ATP8B4: variants seen among roughly 807,000 people sequenced by gnomAD.
ATP8B4 encodes probable phospholipid-transporting ATPase IM.
In ATP8B4, 133 loss-of-function variants were observed where a neutral mutation model predicts 145.6. The observed-to-expected ratio is 0.91, with a 90% CI of 0.79 to 1.05. The LOEUF (loss-of-function observed/expected upper bound fraction) is 1.05, where lower values mean the gene tolerates loss of function less well. ATP8B4 is among the 50% of genes least tolerant of loss of function. The pLI is 0.00. For missense variants in ATP8B4, 1,458 were observed against 1,425.2 expected (o/e 1.02, Z -0.37); for synonymous variants, 507 against 492.9 (o/e 1.03, Z -0.38).
intron 21 of ATP8B4, among the ~76,000 whole-genome samples, chr15:49,900,420 C>G (rs567700881): frequency 6.6e-6 from 1 of 152,306 alleles, no homozygotes; most frequent in East Asian, 1.9e-4. Context: ...GAGATTAATT[C>G]CTTGTGCATA....
chr15:49,861,422 G>GTC lies in ATP8B4; in HGVS notation c.3297+822_3297+823insGA, dbSNP rs1555390913. ...AAAAAATGTGTGTGTGTGTGTGTGT[G>GTC]TGTCTGTCTGTCTGTCTGTCTGTCT... On this transcript the variant is annotated intron_variant, in intron 27 of 27. Transcript: ENST00000284509. Among the ~76,000 whole-genome samples the GTC allele has an allele frequency of 4.7e-3, 699 of 148,276 alleles. 6 individuals are homozygous for GTC. Among genetic ancestry groups the GTC allele is most frequent in the African/African-American group, 0.015 (595 of 39,694 alleles).
intron 3 of ATP8B4, among the ~76,000 whole-genome samples, chr15:50,056,015 C>T (rs2052568856): frequency 6.6e-6 from 1 of 152,124 alleles, no homozygotes; most frequent in Non-Finnish European, 1.5e-5. Context: ...CGACAGTGCT[C>T]TTCTACGAAC....
At chr15:49,884,855 T>C (rs1238916644) in intron 23 of ATP8B4, among the ~76,000 whole-genome samples, 1 of 152,108 alleles carries the variant, frequency 6.6e-6, no homozygotes, top group Non-Finnish European at 1.5e-5. Flanking sequence ...CATAGGAGCA[T>C]GAACCCTGTT....
At chr15:50,151,026 G>C (rs1056130153) in intron 1 of ATP8B4, among the ~76,000 whole-genome samples, 1 of 152,150 alleles carries the variant, frequency 6.6e-6, no homozygotes, top group Non-Finnish European at 1.5e-5. Flanking sequence ...TCTGTCTGTG[G>C]CATCAGGTGG....
At chr15:50,085,919 GAT>G (rs2054921951) in intron 2 of ATP8B4, among the ~76,000 whole-genome samples, 2 of 101,788 alleles carry the variant, frequency 2.0e-5, no homozygotes, top group Non-Finnish European at 3.5e-5. Context: ...ATTTATATAT[GAT>G]ATATATCATA....
chr15:50,047,112 A>G (rs555957239), intron 4 of ATP8B4, among the ~76,000 whole-genome samples: 16 of 152,322 alleles, frequency 1.1e-4, no homozygotes, highest in African/African-American at 3.4e-4. Context: ...TGGTTCAAAT[A>G]AAGTGCAAGG....
chr15:49,886,669 C>A (rs975041145), intron 23 of ATP8B4, among the ~76,000 whole-genome samples: 4 of 152,196 alleles, frequency 2.6e-5, no homozygotes, highest in African/African-American at 9.7e-5. Context: ...TCACTGTTCA[C>A]TCTAATTCTG....
intron 3 of ATP8B4, among the ~76,000 whole-genome samples, chr15:50,054,075 T>C (rs1189315972): frequency 3.9e-5 from 6 of 152,342 alleles, no homozygotes; most frequent in Non-Finnish European, 7.3e-5. Flanking sequence ...AGGATTTTTG[T>C]GAGTGATCCC....
intron 20 of ATP8B4, among the ~76,000 whole-genome samples, chr15:49,908,386 T>G (rs2038855587): frequency 6.6e-6 from 1 of 152,070 alleles, no homozygotes; most frequent in Non-Finnish European, 1.5e-5. Context: ...AAGAGAGAAG[T>G]GACAGGAAAC....
chr15:49,967,905 A>C lies in ATP8B4; in HGVS notation c.1243+4677T>G, dbSNP rs1256051231. Among the ~76,000 whole-genome samples, 4 of 152,250 alleles carry C rather than the reference A, an allele frequency of 2.6e-5. No individual in the cohort carries two copies. In the East Asian group the frequency reaches 7.7e-4, roughly 29 times the overall value. On this transcript the variant is annotated intron_variant, in intron 13 of 27. Coordinates refer to ENST00000284509, the MANE Select transcript of ATP8B4 (RefSeq NM_024837.4). ...TCAGGTTACCCACAAAGGGAAGCCC[A>C]TCAGACTAACAGTGGATCTCTCTGC...
chr15:50,163,139 A>G (rs2044545942), intron 1 of ATP8B4, among the ~76,000 whole-genome samples: 1 of 152,110 alleles, frequency 6.6e-6, no homozygotes, highest in African/African-American at 2.4e-5. Flanking sequence ...TATTAAGTTC[A>G]TTTGATGTGG....
chr15:50,033,217 G>C (rs915245022), intron 6 of ATP8B4, among the ~76,000 whole-genome samples: 1 of 152,174 alleles, frequency 6.6e-6, no homozygotes, highest in African/African-American at 2.4e-5. Context: ...GAGAGCTTCA[G>C]AGATTTAAGC....
chr15:50,169,116 C>T (rs903838244), intron 1 of ATP8B4, among the ~76,000 whole-genome samples: 3 of 152,306 alleles, frequency 2.0e-5, no homozygotes, highest in East Asian at 1.9e-4. Context: ...GGAAGAAAAA[C>T]GGCCTATAAT....
chr15:50,119,752 C>CTTTTTTT (rs572570694), upstream of ATP8B4, among the ~76,000 whole-genome samples: 170 of 91,598 alleles, frequency 1.9e-3, 15 homozygotes, highest in African/African-American at 6.7e-3. Context: ...GTTTTTGTCA[C>CTTTTTTT]TTTTTTTTTT....
chr15:50,121,316 A>G (rs1222549038), upstream of ATP8B4, among the ~76,000 whole-genome samples: 2 of 152,140 alleles, frequency 1.3e-5, no homozygotes, highest in African/African-American at 4.8e-5. Flanking sequence ...GAAAGAGTAG[A>G]GGCTACCAAG....
intron 1 of ATP8B4, among the ~76,000 whole-genome samples, chr15:50,179,656 G>A (rs1173299245): frequency 6.6e-6 from 1 of 152,156 alleles, no homozygotes; most frequent in Non-Finnish European, 1.5e-5. Flanking sequence ...ATAGGGCAGA[G>A]CCCTCATGAA....
At chr15:50,075,929 G>A (rs1478368688) in intron 2 of ATP8B4, among the ~76,000 whole-genome samples, 1 of 152,152 alleles carries the variant, frequency 6.6e-6, no homozygotes, top group Non-Finnish European at 1.5e-5. Flanking sequence ...AATGTTACTG[G>A]GATGGTAGGA....
intron 12 of ATP8B4, among the ~76,000 whole-genome samples, chr15:49,973,191 G>T (rs773972131): frequency 4.6e-5 from 7 of 152,062 alleles, no homozygotes; most frequent in Non-Finnish European, 1.0e-4. Flanking sequence ...AGGGGAAGGG[G>T]GATGGTTTCA....
rs75498630 is a variant in ATP8B4, at chr15:49,919,963, A to G, written c.1923+283T>C. Among the ~76,000 whole-genome samples the G allele has an allele frequency of 7.0e-3, 1,061 of 152,310 alleles. 12 individuals are homozygous for G. Among genetic ancestry groups the G allele is most frequent in the African/African-American group, 0.024 (1,009 of 41,562 alleles). On this transcript the variant is annotated intron_variant, in intron 18 of 27. Coordinates refer to ENST00000284509, the MANE Select transcript of ATP8B4 (RefSeq NM_024837.4). ...AGGAGAAAAGTAAAAATCCCATAAC[A>G]TCAAGGACCATCAGAGGTTGACAAA...
Sources: allele counts gnomAD v4.1 joint callset (sites outside exome capture counted in the v4.1 genomes callset), GRCh38; gene constraint gnomAD v4.1.1; transcripts MANE v1.5; gene names NCBI Gene and HGNC (gene_info 2026-07-23, HGNC 2026-07-21).